The following STPG2 variants were observed in gnomAD, a reference collection of about 807,000 sequenced individuals.
STPG2 encodes sperm tail PG-rich repeat containing 2, also known as sperm-tail PG-rich repeat-containing protein 2.
In STPG2, 56 loss-of-function variants were observed where a neutral mutation model predicts 54.2. That is an observed-to-expected ratio of 1.03 (90% confidence interval 0.83 to 1.29). The LOEUF is 1.29. STPG2 is among the 50% of genes most tolerant of loss of function. The probability of loss-of-function intolerance (pLI) is 0.00; values close to 1 mark genes in which losing one functional copy is unlikely to be tolerated. For synonymous variants in STPG2, 200 were observed against 181.8 expected (o/e 1.10, Z -0.81); for missense variants, 596 against 544.9 (o/e 1.09, Z -0.93).
intron 8 of STPG2, among the ~76,000 whole-genome samples, chr4:97,925,918 C>G (rs942895945): frequency 1.1e-4 from 17 of 152,100 alleles, no homozygotes; most frequent in African/African-American, 4.1e-4. Context: ...TAACCTATAC[C>G]TTTTATTCCT....
intron 10 of STPG2, among the ~76,000 whole-genome samples, chr4:97,692,320 C>T (rs1291333967): frequency 7.7e-6 from 1 of 130,700 alleles, no homozygotes; most frequent in Non-Finnish European, 1.7e-5. Flanking sequence ...AAAAAAACCT[C>T]AAGTGAAATA....
intron 10 of STPG2, among the ~76,000 whole-genome samples, chr4:97,581,945 C>T (rs1553939900): frequency 6.6e-6 from 1 of 151,752 alleles, no homozygotes; most frequent in African/African-American, 2.4e-5. Flanking sequence ...TTCCAGTGTC[C>T]ACAATGGGAA....
chr4:98,103,082 T>C (rs1179962702), intron 5 of STPG2, among the ~76,000 whole-genome samples: 1 of 149,858 alleles, frequency 6.7e-6, no homozygotes, highest in Non-Finnish European at 1.5e-5. Context: ...TAAAGCCTTG[T>C]TCTTGTCCTG....
At chr4:97,945,083 G>T (rs971901111) in intron 7 of STPG2, among the ~76,000 whole-genome samples, 1 of 152,040 alleles carries the variant, frequency 6.6e-6, no homozygotes, top group Non-Finnish European at 1.5e-5. Context: ...GATAGCTTTT[G>T]GGGTACAAGT....
intron 1 of STPG2, among the ~76,000 whole-genome samples, chr4:98,139,636 T>C (rs1340778639): frequency 6.7e-6 from 1 of 149,058 alleles, no homozygotes; most frequent in Non-Finnish European, 1.5e-5. Context: ...AAGAGATACC[T>C]GTTCCTTCTA....
At chr4:97,469,103 A>T (rs1729861139) in intron 4 of STPG2, among the ~76,000 whole-genome samples, 1 of 152,102 alleles carries the variant, frequency 6.6e-6, no homozygotes, top group South Asian at 2.1e-4. Flanking sequence ...TAATACTCTC[A>T]CATATCTGGA....
rs76146684 is a variant in STPG2, at chr4:97,546,095, T to C, written c.462+166604A>G. ...GTCATCTCATCTTTAGGAGGCTATATAGAAAAAAATAGAGAACCAGAAAAG... is the reference window on the plus strand; with the variant it reads ...GTCATCTCATCTTTAGGAGGCTATACAGAAAAAAATAGAGAACCAGAAAAG... On this transcript the variant is annotated intron_variant, in intron 4 of 4. Coordinates refer to the STPG2 transcript ENST00000522676. 2.2e-3 allele frequency among the ~76,000 whole-genome samples: 326 copies of C among 151,612 alleles called. 6 individuals carry two copies. The East Asian group carries it at 0.053, about 25-fold the overall frequency.
At chr4:97,483,443 A>G (rs979831519) in intron 4 of STPG2, among the ~76,000 whole-genome samples, 1 of 151,858 alleles carries the variant, frequency 6.6e-6, no homozygotes, top group East Asian at 1.9e-4. Flanking sequence ...AAGAGAAAAC[A>G]AACTTTAAAG....
At chr4:97,849,393 T>C (rs1037467287) in intron 8 of STPG2, among the ~76,000 whole-genome samples, 1 of 151,850 alleles carries the variant, frequency 6.6e-6, no homozygotes, top group Non-Finnish European at 1.5e-5. Flanking sequence ...CCAAAAGCAA[T>C]GGCAACAAAA....
intron 4 of STPG2, among the ~76,000 whole-genome samples, chr4:97,469,003 C>T (rs1729858427): frequency 6.6e-6 from 1 of 152,042 alleles, no homozygotes; most frequent in African/African-American, 2.4e-5. Flanking sequence ...CCAAAGTTTA[C>T]TGCCTTCAAA....
intron 3 of STPG2, among the ~76,000 whole-genome samples, chr4:98,113,994 C>A (rs930251935): frequency 6.6e-6 from 1 of 151,976 alleles, no homozygotes; most frequent in African/African-American, 2.4e-5. Context: ...CACAGCAGTA[C>A]ATGCCAGTAA....
At chr4:97,797,493 T>A (rs552572148) in intron 9 of STPG2, among the ~76,000 whole-genome samples, 1 of 152,360 alleles carries the variant, frequency 6.6e-6, no homozygotes, top group African/African-American at 2.4e-5. Flanking sequence ...ATTACGTTTA[T>A]TGATTTGCCT....
intron 2 of STPG2, among the ~76,000 whole-genome samples, chr4:98,130,921 C>CAAA (rs34206321): frequency 0.018 from 755 of 41,446 alleles, 71 homozygotes; most frequent in East Asian, 0.081. Flanking sequence ...GACTCCGTCT[C>CAAA]AAAAAAAAAA....
At position 97,840,854 on chromosome 4, in the gene STPG2, G is replaced by A. The variant is rs202085497; in HGVS notation, c.1123C>T (p.Arg375Cys). 132 of 1,611,868 alleles carry A rather than the reference G, an allele frequency of 8.2e-5. No homozygotes were observed. The highest frequency in any genetic ancestry group is 8.8e-5 in the South Asian group (8 of 91,004). Reference protein sequence around the residue: ...SQVKHKYMPPRSLVAKRKHAS... With the variant: ...SQVKHKYMPPCSLVAKRKHAS... ...TGTTTTCTTTTAGCCACTAAACTAC[G>A]AGGTGGCATATATTTATGCTTAACT... Residue 375 changes from arginine to cysteine, a missense_variant, in exon 9 of 11, where the codon CGT becomes TGT. Arg to Cys is a radical substitution (Grantham distance 180). Coordinates refer to ENST00000295268, the MANE Select transcript of STPG2 (RefSeq NM_174952.3).
At chr4:97,485,301 C>CA (rs1730326253) in intron 4 of STPG2, among the ~76,000 whole-genome samples, 2 of 151,554 alleles carry the variant, frequency 1.3e-5, no homozygotes, top group Non-Finnish European at 3.0e-5. Context: ...TTGTTTACCT[C>CA]AAAAACTCTA....
At chr4:98,134,254 T>C (rs1002173696) in intron 2 of STPG2, 93 bp downstream of exon 2, 6 of 566,886 alleles carry the variant, frequency 1.1e-5, no homozygotes, top group African/African-American at 9.7e-5. Flanking sequence ...GAAGACAATA[T>C]AAGCAGAAAA....
intron 10 of STPG2, among the ~76,000 whole-genome samples, chr4:97,592,841 G>A (rs952919214): frequency 8.5e-5 from 13 of 152,082 alleles, no homozygotes; most frequent in African/African-American, 3.1e-4. Context: ...AACCCCCAAG[G>A]GCACTTGAGG....
At chr4:97,615,201 T>A (rs978637615) in intron 10 of STPG2, among the ~76,000 whole-genome samples, 1 of 152,266 alleles carries the variant, frequency 6.6e-6, no homozygotes, top group East Asian at 1.9e-4. Context: ...CTTTTTAAAC[T>A]GATGACTTAT....
intron 5 of STPG2, among the ~76,000 whole-genome samples, chr4:98,004,172 C>A (rs1010491820): frequency 2.0e-5 from 3 of 152,100 alleles, no homozygotes; most frequent in African/African-American, 7.2e-5. Context: ...ACCTCCCAGC[C>A]CCTAACAACC....
Sources: allele counts gnomAD v4.1 joint callset (sites outside exome capture counted in the v4.1 genomes callset), GRCh38; gene constraint gnomAD v4.1.1; transcripts MANE v1.5; gene names NCBI Gene and HGNC (gene_info 2026-07-23, HGNC 2026-07-21).